IL1RAPL1: variants seen among roughly 807,000 people sequenced by gnomAD.
The protein encoded by IL1RAPL1 is interleukin 1 receptor accessory protein like 1.
A neutral mutation model predicts 48.4 loss-of-function variants in IL1RAPL1; 3 were observed. That is an observed-to-expected ratio of 0.06 (90% CI 0.03 to 0.16). The LOEUF (loss-of-function observed/expected upper bound fraction) is 0.16. Among genes scored for constraint, IL1RAPL1 ranks in the 10% least tolerant of loss-of-function variants. The probability of loss-of-function intolerance (pLI) is 1.00; values close to 1 mark genes in which losing one functional copy is unlikely to be tolerated. For missense variants in IL1RAPL1, 349 were observed against 530.6 expected (o/e 0.66, Z 3.36); for synonymous variants, 185 against 187.7 (o/e 0.99, Z 0.12).
intron 2 of IL1RAPL1, among the ~76,000 whole-genome samples, chrX:28,996,957 CATTCTT>C (rs1196769788): frequency 9.0e-6 from 1 of 111,524 alleles, no homozygotes; most frequent in Admixed American, 9.6e-5. Context: ...TGAAAAGACT[CATTCTT>C]AAGTTAACAA....
At chrX:29,343,690 A>G (rs192212387) in intron 3 of IL1RAPL1, among the ~76,000 whole-genome samples, 31 of 110,120 alleles carry the variant, frequency 2.8e-4, no homozygotes, top group Admixed American at 2.6e-3. Context: ...ATAAAGTGCG[A>G]GTCAACTTGA....
intron 1 of IL1RAPL1, among the ~76,000 whole-genome samples, chrX:28,774,996 C>T (rs1936348024): frequency 1.8e-5 from 2 of 111,919 alleles, no homozygotes; most frequent in South Asian, 3.7e-4. Context: ...GATGACCTTC[C>T]ATCATTACCT....
chrX:29,287,552 T>C (rs1389247538), intron 3 of IL1RAPL1, among the ~76,000 whole-genome samples: 1 of 112,460 alleles, frequency 8.9e-6, no homozygotes, highest in African/African-American at 3.2e-5. Context: ...CAATGTATGA[T>C]TTCTCCACAT....
intron 5 of IL1RAPL1, among the ~76,000 whole-genome samples, chrX:29,644,263 C>T (rs908526692): frequency 8.9e-6 from 1 of 111,988 alleles, no homozygotes; most frequent in Non-Finnish European, 1.9e-5. Flanking sequence ...ATTTCCAAAT[C>T]CTGTTTTCTT....
intron 3 of IL1RAPL1, among the ~76,000 whole-genome samples, chrX:29,386,699 C>T (rs1004651413): frequency 2.8e-5 from 3 of 105,812 alleles, no homozygotes; most frequent in Non-Finnish European, 5.8e-5. Context: ...CACACCACCA[C>T]GTCTGGCTAA....
intron 6 of IL1RAPL1, among the ~76,000 whole-genome samples, chrX:29,809,775 AC>A (rs1339534801): frequency 9.6e-6 from 1 of 103,898 alleles, no homozygotes; most frequent in Non-Finnish European, 1.9e-5. Flanking sequence ...CAAGTCGTTA[AC>A]TTTTTTTTTT....
chrX:29,836,996 A>G (rs943540189), intron 6 of IL1RAPL1, among the ~76,000 whole-genome samples: 5 of 109,728 alleles, frequency 4.6e-5, no homozygotes, highest in African/African-American at 1.7e-4. Context: ...GCGGTGGCTC[A>G]TGCCTGTAAT....
At chrX:29,582,716 C>T (rs1170821355) in intron 5 of IL1RAPL1, among the ~76,000 whole-genome samples, 71 of 49,098 alleles carry the variant, frequency 1.4e-3, no homozygotes, top group Non-Finnish European at 2.3e-3. Context: ...CTACAAAGGA[C>T]ATGAACTCAT....
chrX:29,265,480 T>C (rs934732226), intron 2 of IL1RAPL1, among the ~76,000 whole-genome samples: 3 of 109,027 alleles, frequency 2.8e-5, no homozygotes, highest in Admixed American at 9.8e-5. Context: ...TTTATTTTAT[T>C]ATTATTATAC....
chrX:29,069,751 C>A (rs1490239064), intron 2 of IL1RAPL1, among the ~76,000 whole-genome samples: 1 of 110,308 alleles, frequency 9.1e-6, no homozygotes, highest in Middle Eastern at 4.2e-3. Flanking sequence ...ACATCCAATT[C>A]TTTTAAACAG....
intron 2 of IL1RAPL1, among the ~76,000 whole-genome samples, chrX:29,140,952 T>C (rs1416248909): frequency 9.0e-6 from 1 of 111,438 alleles, no homozygotes; most frequent in Non-Finnish European, 1.9e-5. Flanking sequence ...AGTCAGACCA[T>C]AGCAGATGAG....
At chrX:29,364,356 C>T (rs925197389) in intron 3 of IL1RAPL1, among the ~76,000 whole-genome samples, 1 of 108,698 alleles carries the variant, frequency 9.2e-6, no homozygotes, top group African/African-American at 3.4e-5. Flanking sequence ...GCCAGGATTT[C>T]GAGACCAGCC....
chrX:28,679,613 C>G (rs1935035292), intron 1 of IL1RAPL1, among the ~76,000 whole-genome samples: 1 of 111,297 alleles, frequency 9.0e-6, no homozygotes, highest in Admixed American at 9.6e-5. Flanking sequence ...AAATATTTAA[C>G]CACTTTGAAC....
At chrX:29,685,993 AAAAG>A (rs1469881001) in intron 6 of IL1RAPL1, among the ~76,000 whole-genome samples, 3 of 111,268 alleles carry the variant, frequency 2.7e-5, no homozygotes, top group Middle Eastern at 4.3e-3. Context: ...TCAAAAAAAA[AAAAG>A]AAAGAAAGAA....
intron 2 of IL1RAPL1, among the ~76,000 whole-genome samples, chrX:28,795,115 A>G (rs1015914586): frequency 3.6e-5 from 4 of 111,341 alleles, no homozygotes; most frequent in African/African-American, 1.3e-4. Flanking sequence ...TTATAAGACC[A>G]AACTTCTGGG....
intron 6 of IL1RAPL1, among the ~76,000 whole-genome samples, chrX:29,753,669 C>T (rs1928543555): frequency 9.0e-6 from 1 of 111,412 alleles, no homozygotes; most frequent in Non-Finnish European, 1.9e-5. Context: ...GGCCACTTCC[C>T]AGCATGGAAT....
chrX:29,674,979 A>G (rs1469672840), intron 6 of IL1RAPL1, among the ~76,000 whole-genome samples: 1 of 112,451 alleles, frequency 8.9e-6, no homozygotes, highest in Non-Finnish European at 1.9e-5. Flanking sequence ...ATTGATGGAC[A>G]TTTAGACTGA....
At chrX:29,428,854 C>G (rs766519536) in intron 5 of IL1RAPL1, among the ~76,000 whole-genome samples, 49 of 111,550 alleles carry the variant, frequency 4.4e-4, no homozygotes, top group Non-Finnish European at 7.5e-4. Flanking sequence ...CAGTAGCCCC[C>G]ACTCATACCC....
rs369724111 is a variant in IL1RAPL1 at position 29,707,780 on chromosome X, C to T, written c.778+39276C>T. ...AATGATACATTGGACTTTGGGGACT[C>T]GGAGAAAGGGTGGGGGTTGGTGAGG... On this transcript the variant is annotated intron_variant, in intron 6 of 10. Coordinates refer to ENST00000378993, the MANE Select transcript of IL1RAPL1 (RefSeq NM_014271.4). Among the ~76,000 whole-genome samples the T allele has an allele frequency of 1.3e-3, 143 of 110,104 alleles. 1 individual carries two copies. The highest frequency in any genetic ancestry group is 4.5e-3 in the African/African-American group (135 of 30,282).
Sources: allele counts gnomAD v4.1 joint callset (sites outside exome capture counted in the v4.1 genomes callset), GRCh38; gene constraint gnomAD v4.1.1; transcripts MANE v1.5; gene names NCBI Gene and HGNC (gene_info 2026-07-23, HGNC 2026-07-21).